Variants in RIMS1 observed in about 807,000 individuals in gnomAD.
The protein encoded by RIMS1 is regulating synaptic membrane exocytosis 1.
Under a neutral mutation model 214.1 loss-of-function variants are expected in RIMS1, and 83 were observed. That is an observed-to-expected ratio of 0.39 (90% confidence interval 0.32 to 0.47). RIMS1 has a LOEUF of 0.47. Among genes scored for constraint, RIMS1 ranks in the 20% least tolerant of loss-of-function variants. The pLI is 0.99. For missense variants in RIMS1, 2,050 were observed against 2,161.8 expected (o/e 0.95, Z 1.03); for synonymous variants, 793 against 786.8 (o/e 1.01, Z -0.13).
At chr6:72,200,332 G>A (rs988582863) in intron 6 of RIMS1, among the ~76,000 whole-genome samples, 2 of 152,078 alleles carry the variant, frequency 1.3e-5, no homozygotes, top group Non-Finnish European at 2.9e-5. Context: ...TGACCTCAGT[G>A]GCCCTCTCAA....
chr6:72,094,291 A>T (rs967011278), intron 2 of RIMS1, among the ~76,000 whole-genome samples: 2 of 152,164 alleles, frequency 1.3e-5, no homozygotes, highest in Admixed American at 6.5e-5. Flanking sequence ...GTACGGTAAT[A>T]AAACATAGTA....
At chr6:71,937,637 G>A (rs1784843818) in intron 1 of RIMS1, among the ~76,000 whole-genome samples, 2 of 152,114 alleles carry the variant, frequency 1.3e-5, no homozygotes, top group Non-Finnish European at 2.9e-5. Flanking sequence ...ATCACATGGT[G>A]AGAGAGGGTG....
intron 26 of RIMS1, among the ~76,000 whole-genome samples, chr6:72,293,377 C>T (rs2093677517): frequency 1.3e-5 from 2 of 151,804 alleles, no homozygotes; most frequent in Admixed American, 6.6e-5. Context: ...TCTCTGGGAA[C>T]ATTTTAAAAT....
At chr6:71,993,767 G>C (rs986284239) in intron 2 of RIMS1, among the ~76,000 whole-genome samples, 3 of 152,112 alleles carry the variant, frequency 2.0e-5, no homozygotes, top group African/African-American at 7.2e-5. Context: ...ATAGAGTTTG[G>C]TATATAGGAG....
chr6:72,245,328 G>A (rs1195205989), intron 10 of RIMS1, among the ~76,000 whole-genome samples: 1 of 151,686 alleles, frequency 6.6e-6, no homozygotes, highest in Non-Finnish European at 1.5e-5. Context: ...ACTTTCCAAA[G>A]CAACTCATCC....
chr6:72,352,080 G>A (rs370621301), intron 29 of RIMS1, among the ~76,000 whole-genome samples: 85 of 152,312 alleles, frequency 5.6e-4, no homozygotes, highest in Middle Eastern at 3.4e-3. Flanking sequence ...GAAGTTGGCC[G>A]AGGAGGTGGC....
intron 18 of RIMS1, 58 bp downstream of exon 18, chr6:72,259,169 A>G (rs2076989065): frequency 6.8e-7 from 1 of 1,478,710 alleles, no homozygotes. Flanking sequence ...TTTAATATAT[A>G]CAGATATTGT....
chr6:72,264,958 G>A lies in RIMS1; in HGVS notation c.3117-17G>A, dbSNP rs775215811. The A allele has an allele frequency of 1.9e-6, 3 of 1,543,282 alleles. No homozygotes were observed. The highest frequency in any genetic ancestry group is 2.7e-5 in the African/African-American group (2 of 73,348). ...ATATTTTTCTGTTTCCTGCGTGTTT[G>A]TGTTGCTACGTTCCAGACATCTTGT... On this transcript the variant is annotated splice_polypyrimidine_tract_variant and intron_variant, in intron 19 of 33. Coordinates refer to ENST00000521978, the MANE Select transcript of RIMS1 (RefSeq NM_014989.7).
At chr6:72,372,214 T>G (rs1235223675) in intron 29 of RIMS1, among the ~76,000 whole-genome samples, 3 of 152,170 alleles carry the variant, frequency 2.0e-5, no homozygotes, top group African/African-American at 7.2e-5. Context: ...CATGTCAATA[T>G]TATATTGTGT....
chr6:71,960,882 CAAG>C lies in RIMS1; in HGVS notation c.165-8094_165-8092del, dbSNP rs536582607. Reference sequence around the variant, plus strand: ...GCTTCCTGTAGAGAAGCTGGGTACTCAAGAAGAAGTGAAAAAAAAATTTTTTTT... The same window carrying C: ...GCTTCCTGTAGAGAAGCTGGGTACTCAAGAAGTGAAAAAAAAATTTTTTTT... On this transcript the variant is annotated intron_variant, in intron 1 of 33. Coordinates refer to ENST00000521978, the MANE Select transcript of RIMS1 (RefSeq NM_014989.7). Among the ~76,000 whole-genome samples the C allele has an allele frequency of 2.0e-3, 309 of 151,750 alleles. 1 individual carries two copies. The highest frequency in any genetic ancestry group is 7.1e-3 in the African/African-American group (293 of 41,384).
intron 29 of RIMS1, among the ~76,000 whole-genome samples, chr6:72,350,789 C>A (rs1336619409): frequency 2.6e-5 from 4 of 152,066 alleles, no homozygotes; most frequent in Non-Finnish European, 5.9e-5. Context: ...GAGATTCTTT[C>A]TTTATAGAAC....
intron 33 of RIMS1, among the ~76,000 whole-genome samples, chr6:72,400,055 C>G (rs1455713432): frequency 6.6e-6 from 1 of 152,186 alleles, no homozygotes. Flanking sequence ...TTTGTACATA[C>G]TTTCTGGTAC....
chr6:72,235,156 A>G (rs1445558043), intron 7 of RIMS1, among the ~76,000 whole-genome samples: 1 of 152,076 alleles, frequency 6.6e-6, no homozygotes, highest in African/African-American at 2.4e-5. Context: ...TGATCACATC[A>G]GGGTAATTAG....
At chr6:72,343,734 A>G (rs1012105002) in intron 29 of RIMS1, among the ~76,000 whole-genome samples, 26 of 151,694 alleles carry the variant, frequency 1.7e-4, no homozygotes, top group Middle Eastern at 3.4e-3. Flanking sequence ...GGAGGTCCAT[A>G]GTGGAGTTCA....
intron 26 of RIMS1, among the ~76,000 whole-genome samples, chr6:72,303,992 T>C (rs187056097): frequency 1.3e-5 from 2 of 151,740 alleles, no homozygotes; most frequent in Admixed American, 1.3e-4. Flanking sequence ...GACTTTATTA[T>C]ACATAAGCTA....
At chr6:72,229,366 A>G (rs117252914) in intron 6 of RIMS1, among the ~76,000 whole-genome samples, 2 of 152,016 alleles carry the variant, frequency 1.3e-5, no homozygotes, top group Non-Finnish European at 2.9e-5. Flanking sequence ...ATTTATGTAA[A>G]TTTTGCAACA....
intron 1 of RIMS1, among the ~76,000 whole-genome samples, chr6:71,920,735 A>G (rs890815223): frequency 6.6e-6 from 1 of 152,208 alleles, no homozygotes; most frequent in Admixed American, 6.5e-5. Flanking sequence ...TTAACTAGCC[A>G]GCATTAAATG....
chr6:71,902,049 A>T (rs73748929), intron 1 of RIMS1, among the ~76,000 whole-genome samples: 127 of 152,256 alleles, frequency 8.3e-4, no homozygotes, highest in African/African-American at 2.9e-3. Flanking sequence ...GAGGAGTTCA[A>T]TTTGGGTTTC....
chr6:72,226,906 C>T (rs2060363300), intron 6 of RIMS1, among the ~76,000 whole-genome samples: 3 of 152,030 alleles, frequency 2.0e-5, no homozygotes, highest in African/African-American at 4.8e-5. Flanking sequence ...TTTCTAAACT[C>T]CTTTACAATT....
Sources: allele counts gnomAD v4.1 joint callset (sites outside exome capture counted in the v4.1 genomes callset), GRCh38; gene constraint gnomAD v4.1.1; transcripts MANE v1.5; gene names NCBI Gene and HGNC (gene_info 2026-07-23, HGNC 2026-07-21).